RBFOX1: variants seen among roughly 807,000 people sequenced by gnomAD.
RBFOX1 encodes the protein RNA binding fox-1 homolog 1.
A neutral mutation model predicts 57.7 loss-of-function variants in RBFOX1; 8 were observed. The ratio of observed to expected loss-of-function variants is 0.14; its 90% CI spans 0.08 to 0.25. RBFOX1 has a LOEUF of 0.25. Ranked by LOEUF, RBFOX1 falls within the 10% of genes least tolerant of loss-of-function variation. RBFOX1 has a pLI of 1.00. For synonymous variants in RBFOX1, 326 were observed against 222.4 expected, an observed-to-expected ratio of 1.47 and a Z score of -4.15; for missense variants, 611 against 548.5, an observed-to-expected ratio of 1.11 and a Z score of -1.14.
At chr16:5,786,380 T>C (rs116853107) in intron 3 of RBFOX1, among the ~76,000 whole-genome samples, 2,059 of 152,258 alleles carry the variant, frequency 0.014, 33 homozygotes, top group Non-Finnish European at 0.017. Flanking sequence ...GCTGCTCATG[T>C]AGCACTTTGC....
intron 3 of RBFOX1, among the ~76,000 whole-genome samples, chr16:5,820,335 A>G (rs1251818293): frequency 1.3e-5 from 2 of 152,182 alleles, no homozygotes; most frequent in Non-Finnish European, 2.9e-5. Context: ...AAGGAATCTT[A>G]CTGTCTTTAT....
chr16:5,475,453 T>C (rs955302789), intron 2 of RBFOX1, among the ~76,000 whole-genome samples: 1 of 152,246 alleles, frequency 6.6e-6, no homozygotes, highest in African/African-American at 2.4e-5. Flanking sequence ...GAAATTTAGC[T>C]CAGCTGCATT....
chr16:7,515,746 A>C (rs1311707102), intron 4 of RBFOX1, among the ~76,000 whole-genome samples: 1 of 152,198 alleles, frequency 6.6e-6, no homozygotes, highest in African/African-American at 2.4e-5. Context: ...ACTGGGACTC[A>C]GTAGAAACCT....
chr16:7,674,616 G>A (rs986824246), intron 13 of RBFOX1, among the ~76,000 whole-genome samples: 23 of 152,284 alleles, frequency 1.5e-4, no homozygotes, highest in African/African-American at 7.2e-5. Context: ...ACTTGTGCCC[G>A]TCTTGTCTGG....
intron 4 of RBFOX1, among the ~76,000 whole-genome samples, chr16:6,010,222 G>C (rs946045682): frequency 1.6e-4 from 24 of 152,186 alleles, no homozygotes; most frequent in African/African-American, 5.8e-4. Context: ...GCTGAATTCT[G>C]CTCAACCCAT....
At chr16:7,487,526 A>G (rs986079159) in intron 4 of RBFOX1, among the ~76,000 whole-genome samples, 1 of 152,220 alleles carries the variant, frequency 6.6e-6, no homozygotes, top group East Asian at 1.9e-4. Context: ...ATGGATGAAC[A>G]TTCCTTAAAG....
chr16:5,956,036 A>T (rs1381987088), intron 4 of RBFOX1, among the ~76,000 whole-genome samples: 1 of 152,154 alleles, frequency 6.6e-6, no homozygotes, highest in African/African-American at 2.4e-5. Context: ...CTGAGGCAGG[A>T]GGATCACTTG....
At chr16:7,126,890 T>A (rs574830862) in intron 4 of RBFOX1, among the ~76,000 whole-genome samples, 1 of 151,326 alleles carries the variant, frequency 6.6e-6, no homozygotes, top group South Asian at 2.1e-4. Flanking sequence ...GCACCTGTAA[T>A]CCCAGCTACT....
intron 13 of RBFOX1, 92 bp from the exon 14 acceptor site, chr16:7,676,682 G>T (rs1333844680): frequency 1.5e-5 from 16 of 1,061,690 alleles, no homozygotes; most frequent in Non-Finnish European, 2.2e-5. Flanking sequence ...CAGTAGATTT[G>T]GGTAACAGCT....
intron 1 of RBFOX1, among the ~76,000 whole-genome samples, chr16:6,047,176 C>T (rs2095504030): frequency 6.6e-6 from 1 of 152,206 alleles, no homozygotes; most frequent in South Asian, 2.1e-4. Flanking sequence ...CAGTACCTGA[C>T]ATCCTAATGT....
At chr16:6,415,727 A>T (rs1233928454) in intron 2 of RBFOX1, among the ~76,000 whole-genome samples, 1 of 152,072 alleles carries the variant, frequency 6.6e-6, no homozygotes, top group Non-Finnish European at 1.5e-5. Context: ...AAACAGAACA[A>T]AACAGGAGAG....
intron 1 of RBFOX1, among the ~76,000 whole-genome samples, chr16:5,336,080 G>T (rs1469099256): frequency 6.6e-6 from 1 of 152,162 alleles, no homozygotes. Context: ...CCTCTAGGAG[G>T]TGTGGCTGCA....
intron 4 of RBFOX1, among the ~76,000 whole-genome samples, chr16:7,406,979 T>C (rs1485631122): frequency 6.6e-6 from 1 of 152,224 alleles, no homozygotes; most frequent in African/African-American, 2.4e-5. Context: ...TTGTATGTCC[T>C]GTGATCTCTT....
At chr16:6,146,704 AT>A (rs1469870939) in intron 1 of RBFOX1, among the ~76,000 whole-genome samples, 1 of 152,186 alleles carries the variant, frequency 6.6e-6, no homozygotes, top group East Asian at 1.9e-4. Flanking sequence ...TCAAGCTGTT[AT>A]TTTTTTGAAA....
At position 6,097,825 on chromosome 16, in the gene RBFOX1, C is replaced by T. The variant is rs2096263338; in HGVS notation, c.-127+77833C>T. On this transcript the variant is annotated intron_variant, in intron 1 of 15. Transcript: ENST00000550418. The surrounding 1 kb of genome is among the most constrained non-coding windows in gnomAD (Gnocchi z 5.0). ...TATTTATTTTCTATCACCGTACTTA[C>T]TGGTGGAGTGGAAGTCCCTTGGAAG... Among the ~76,000 whole-genome samples, 1 of 151,538 alleles carries T rather than the reference C, an allele frequency of 6.6e-6. No homozygotes were observed. The highest frequency in any genetic ancestry group is 1.5e-5 in the Non-Finnish European group (1 of 67,990).
intron 4 of RBFOX1, among the ~76,000 whole-genome samples, chr16:7,172,017 G>A (rs1436840548): frequency 6.6e-6 from 1 of 152,094 alleles, no homozygotes; most frequent in African/African-American, 2.4e-5. Flanking sequence ...CAGAGAGGCT[G>A]ATTTTTGCTT....
At chr16:6,930,632 G>A (rs1313802022) in intron 3 of RBFOX1, among the ~76,000 whole-genome samples, 2 of 152,130 alleles carry the variant, frequency 1.3e-5, no homozygotes, top group African/African-American at 4.8e-5. Flanking sequence ...CTGGTCTTGA[G>A]CTCCTCACCT....
intron 3 of RBFOX1, among the ~76,000 whole-genome samples, chr16:6,934,245 C>T (rs2077014861): frequency 6.6e-6 from 1 of 152,192 alleles, no homozygotes; most frequent in Non-Finnish European, 1.5e-5. Context: ...ACTTGAGTCA[C>T]TGTGAAAGCA....
chr16:7,631,605 C>G (rs911971230), intron 11 of RBFOX1, among the ~76,000 whole-genome samples: 1 of 152,102 alleles, frequency 6.6e-6, no homozygotes, highest in African/African-American at 2.4e-5. Context: ...TCTTTAGGGT[C>G]AGTGCTTAAA....
Sources: allele counts gnomAD v4.1 joint callset (sites outside exome capture counted in the v4.1 genomes callset), GRCh38; gene constraint gnomAD v4.1.1; non-coding constraint Gnocchi (gnomAD v3.1); transcripts MANE v1.5; gene names NCBI Gene and HGNC (gene_info 2026-07-23, HGNC 2026-07-21).